SRD5A1: variants seen among roughly 807,000 people sequenced by gnomAD.
The protein encoded by SRD5A1 is 3-oxo-5-alpha-steroid 4-dehydrogenase 1.
SRD5A1 carries 22 observed loss-of-function variants against 28.2 expected under a neutral mutation model. The observed-to-expected ratio is 0.78, with a 90% CI of 0.56 to 1.12. The LOEUF (loss-of-function observed/expected upper bound fraction) is 1.12. Ranked by LOEUF, SRD5A1 falls within the 50% of genes most tolerant of loss-of-function variation. SRD5A1 has a pLI of 0.00. For synonymous variants in SRD5A1, 151 were observed against 135.0 expected, an observed-to-expected ratio of 1.12 and a Z score of -0.82; for missense variants, 300 against 346.7, an observed-to-expected ratio of 0.87 and a Z score of 1.07.
At chr5:6,636,944 T>C (rs936269696) in intron 1 of SRD5A1, among the ~76,000 whole-genome samples, 8 of 152,136 alleles carry the variant, frequency 5.3e-5, no homozygotes, top group Admixed American at 2.6e-4. Flanking sequence ...GGGATAGCCA[T>C]GACGCAGGAC....
chr5:6,649,839 C>T (rs1422078443), intron 1 of SRD5A1, among the ~76,000 whole-genome samples: 4 of 133,422 alleles, frequency 3.0e-5, no homozygotes, highest in East Asian at 2.2e-4. Flanking sequence ...CCTTCTGTGT[C>T]GATCTCGCTG....
intron 1 of SRD5A1, among the ~76,000 whole-genome samples, chr5:6,643,578 C>T (rs1360940501): frequency 6.6e-6 from 1 of 152,142 alleles, no homozygotes; most frequent in African/African-American, 2.4e-5. Flanking sequence ...GCATGAGCCA[C>T]TGCATCTGGT....
chr5:6,667,646 A>G (rs1427851344), intron 4 of SRD5A1, among the ~76,000 whole-genome samples: 2 of 152,234 alleles, frequency 1.3e-5, no homozygotes, highest in Non-Finnish European at 2.9e-5. Context: ...ATCAAAACGG[A>G]AAATAATGTT....
In SRD5A1 at chr5:6,671,408, C is replaced by G. The variant is rs992311952; in HGVS notation, c.*3140C>G. 2.8e-5 allele frequency: 4 copies of G among 143,464 alleles called. No homozygotes were observed. The highest frequency in any genetic ancestry group is 5.9e-5 in the Non-Finnish European group (4 of 67,974). The allele number at this position is 143,464 out of a possible 1,614,324, so 8.9% of individuals were successfully genotyped here. A position where few individuals can be genotyped will look rare whatever the true frequency, so the allele number is the denominator to read the frequency against. On this transcript the variant is annotated 3_prime_UTR_variant, in exon 5 of 5. Transcript: ENST00000274192. Reference sequence around the variant, plus strand: ...TTTGTTGTAGATTCTGGATATTAGTCCTTTGTCTGATGTATAGATTGTGAA... The same window carrying G: ...TTTGTTGTAGATTCTGGATATTAGTGCTTTGTCTGATGTATAGATTGTGAA...
chr5:6,640,531 C>CTT (rs11434052), intron 1 of SRD5A1, among the ~76,000 whole-genome samples: 27,730 of 146,254 alleles, frequency 0.19, 2,804 homozygotes, highest in African/African-American at 0.24. Context: ...AAGTCTTATT[C>CTT]TTTTTTTTTT....
chr5:6,642,637 T>A (rs192159259), intron 1 of SRD5A1, among the ~76,000 whole-genome samples: 1 of 152,370 alleles, frequency 6.6e-6, no homozygotes, highest in African/African-American at 2.4e-5. Flanking sequence ...TAACACAGTA[T>A]GAGTTTTGCA....
chr5:6,647,865 A>G (rs184713685), intron 1 of SRD5A1, among the ~76,000 whole-genome samples: 7 of 152,274 alleles, frequency 4.6e-5, no homozygotes, highest in East Asian at 1.9e-4. Flanking sequence ...CATAGTGTCA[A>G]TGATCTTTAC....
At chr5:6,646,478 C>T (rs182512948) in intron 1 of SRD5A1, among the ~76,000 whole-genome samples, 10 of 152,236 alleles carry the variant, frequency 6.6e-5, no homozygotes, top group African/African-American at 2.2e-4. Flanking sequence ...TTCAGGGATT[C>T]GACTTCTTCC....
At chr5:6,661,237 T>C (rs1481992892) in intron 3 of SRD5A1, among the ~76,000 whole-genome samples, 1 of 152,102 alleles carries the variant, frequency 6.6e-6, no homozygotes, top group Non-Finnish European at 1.5e-5. Flanking sequence ...TTTCTTTCTT[T>C]TTAAAAAAAT....
Position 6,662,949 on chromosome 5 carries a change from A to G in SRD5A1, c.696A>G (p.Arg232=). The G allele has an allele frequency of 6.2e-7, 1 of 1,614,186 alleles. No individual in the cohort carries two copies. Among genetic ancestry groups the G allele is most frequent in the South Asian group, 1.1e-5 (1 of 91,086 alleles). Residue 232 remains arginine (R), a synonymous_variant, in exon 4 of 5, where the codon AGA becomes AGG. Coordinates refer to ENST00000274192, the MANE Select transcript of SRD5A1 (RefSeq NM_001047.4). The stretch of plus-strand genomic sequence containing the variant: ...TCACGTTTTGTTTTTTATCTGGTAG[A>G]GCAAAAGAGCATCATGAGTAAGTTT... ...AFFTFCFLSG[R]AKEHHEWYLR... is the part of the protein sequence containing the mutation.
At chr5:6,648,335 G>A (rs1051028430) in intron 1 of SRD5A1, among the ~76,000 whole-genome samples, 8 of 152,270 alleles carry the variant, frequency 5.3e-5, no homozygotes, top group African/African-American at 1.9e-4. Flanking sequence ...GCCTTGCTAG[G>A]TTGGGGAAGT....
intron 1 of SRD5A1, 71 bp downstream of exon 1, chr5:6,633,940 C>T: frequency 1.3e-6 from 2 of 1,523,312 alleles, no homozygotes; most frequent in Non-Finnish European, 1.8e-6. Context: ...CCCCTCACTG[C>T]CCGGTGCCCT....
At chr5:6,668,157 G>T (rs900227564) in intron 4 of SRD5A1, 45 bp from the exon 5 acceptor site, 9 of 1,252,472 alleles carry the variant, frequency 7.2e-6, no homozygotes, top group Non-Finnish European at 1.0e-5. Context: ...TTGGTTAAAT[G>T]TCTAAGCGAC....
chr5:6,661,394 CAAA>C (rs3996846), intron 3 of SRD5A1, among the ~76,000 whole-genome samples: 1 of 128,480 alleles, frequency 7.8e-6, no homozygotes. Flanking sequence ...TACAAAACTC[CAAA>C]AAAAAAAAAA....
intron 2 of SRD5A1, among the ~76,000 whole-genome samples, chr5:6,653,735 C>T (rs1036945596): frequency 6.6e-6 from 1 of 152,122 alleles, no homozygotes; most frequent in Admixed American, 6.5e-5. Flanking sequence ...TGGGACTCAC[C>T]TCTATGGTGA....
chr5:6,638,409 G>A (rs1738265320), intron 1 of SRD5A1, among the ~76,000 whole-genome samples: 2 of 152,244 alleles, frequency 1.3e-5, no homozygotes, highest in African/African-American at 4.8e-5. Flanking sequence ...GTGTGGGAAA[G>A]CCATTTTGTA....
intron 1 of SRD5A1, among the ~76,000 whole-genome samples, chr5:6,634,128 G>T (rs751078206): frequency 5.3e-5 from 8 of 152,222 alleles, no homozygotes; most frequent in Non-Finnish European, 1.0e-4. Flanking sequence ...AAAAAAACAT[G>T]ATGAAACTGA....
chr5:6,642,786 C>T (rs1302451855), intron 1 of SRD5A1, among the ~76,000 whole-genome samples: 1 of 152,084 alleles, frequency 6.6e-6, no homozygotes, highest in Non-Finnish European at 1.5e-5. Flanking sequence ...GCTCTGAGCT[C>T]AAAATAATGT....
chr5:6,635,032 A>G (rs1268758892), intron 1 of SRD5A1, among the ~76,000 whole-genome samples: 1 of 152,226 alleles, frequency 6.6e-6, no homozygotes, highest in Non-Finnish European at 1.5e-5. Flanking sequence ...CTTCCCAGAG[A>G]GACAGGAAGA....
Sources: allele counts gnomAD v4.1 joint callset (sites outside exome capture counted in the v4.1 genomes callset), GRCh38; gene constraint gnomAD v4.1.1; transcripts MANE v1.5; gene names NCBI Gene and HGNC (gene_info 2026-07-23, HGNC 2026-07-21).